OSBPL5: variants seen among roughly 807,000 people sequenced by gnomAD.
OSBPL5 encodes the protein oxysterol binding protein like 5, also known as oxysterol-binding protein-related protein 5.
Under a neutral mutation model 111.2 loss-of-function variants are expected in OSBPL5, and 71 were observed. The ratio of observed to expected loss-of-function variants is 0.64; its 90% confidence interval spans 0.53 to 0.78. The LOEUF is 0.78. OSBPL5 is among the 30% of genes least tolerant of loss of function. OSBPL5 has a pLI of 0.00. For synonymous variants in OSBPL5, 549 were observed against 513.9 expected, an observed-to-expected ratio of 1.07 and a Z score of -0.93; for missense variants, 1,210 against 1,189.3, an observed-to-expected ratio of 1.02 and a Z score of -0.26.
intron 1 of OSBPL5, among the ~76,000 whole-genome samples, chr11:3,159,180 T>C (rs1382538147): frequency 6.6e-6 from 1 of 151,852 alleles, no homozygotes; most frequent in African/African-American, 2.4e-5. Flanking sequence ...GAATGAAACA[T>C]GAGGGTCGGT....
intron 1 of OSBPL5, among the ~76,000 whole-genome samples, chr11:3,134,547 C>T (rs1237565126): frequency 6.6e-6 from 1 of 152,222 alleles, no homozygotes; most frequent in East Asian, 1.9e-4. Flanking sequence ...CTAGCCCATC[C>T]CAGGTGGGTG....
In OSBPL5 at chr11:3,110,377, G is replaced by A. The variant is rs964545443; in HGVS notation, c.692-2432C>T. On this transcript the variant is annotated intron_variant, in intron 7 of 21. Coordinates refer to ENST00000263650, the MANE Select transcript of OSBPL5 (RefSeq NM_020896.4). The surrounding 1 kb of genome is among the most constrained non-coding windows in gnomAD (Gnocchi z 5.3). ...GGCCAAGAGGGAATCCCTCCAGGTG[G>A]AGGATCATCGCAGTCACAGCTGCCT... Among the ~76,000 whole-genome samples the A allele has an allele frequency of 6.6e-6, 1 of 152,216 alleles. No individual in the cohort carries two copies.
In OSBPL5 at chr11:3,106,215, G is replaced by C. The variant is rs1857686867; in HGVS notation, c.1059+1048C>G. Among the ~76,000 whole-genome samples the C allele has an allele frequency of 6.6e-6, 1 of 151,808 alleles. No homozygotes were observed. The highest frequency in any genetic ancestry group is 2.1e-4 in the South Asian group (1 of 4,820). ...CACGGACCACGGAGGAGCCCCCTCT[G>C]TCCCTGTGCAGAGCAAGATGCGAAC... is the stretch of plus-strand genomic sequence containing the variant. On this transcript the variant is annotated intron_variant, in intron 9 of 21. Transcript: ENST00000263650. This position sits in a 1 kb window ranked among gnomAD's most constrained non-coding sequence, Gnocchi z 8.4.
At position 3,107,348 on chromosome 11, in the gene OSBPL5, C is replaced by T. The variant is rs777387631; in HGVS notation, c.974G>A (p.Ser325Asn). The T allele has an allele frequency of 3.1e-6, 5 of 1,614,074 alleles. No homozygotes were observed. Among genetic ancestry groups the T allele is most frequent in the Admixed American group, 3.3e-5 (2 of 60,032 alleles). The change falls in exon 9 of 22, where the codon AGT (serine) becomes AAT (asparagine). Residue 325 changes from serine to asparagine, a missense_variant. Physicochemically the swap from Ser to Asn is conservative, Grantham distance 46. Transcript: ENST00000263650. The surrounding 1 kb of genome is among the most constrained non-coding windows in gnomAD (Gnocchi z 6.1). ...AGGGGTCTCTGACTGGTCGCTGCCA[C>T]TCTCCGTCTTCCGGCTATGGTCCTG... is the stretch of plus-strand genomic sequence containing the variant. ...ETQDHSRKTE[S>N]GSDQSETPGA...
intron 2 of OSBPL5, 64 bp downstream of exon 2, chr11:3,128,949 C>T: frequency 7.2e-7 from 1 of 1,392,306 alleles, no homozygotes; most frequent in Non-Finnish European, 9.4e-7. Context: ...GGTTGGGCCG[C>T]CCGGGGTCAC....
intron 11 of OSBPL5, among the ~76,000 whole-genome samples, 163 bp downstream of exon 11, chr11:3,103,076 C>G (rs1857513325): frequency 6.6e-6 from 1 of 152,126 alleles, no homozygotes; most frequent in Non-Finnish European, 1.5e-5. Flanking sequence ...GGCCCTGTCC[C>G]CCATCACCAA....
chr11:3,088,716 C>G (rs1260333729), intron 21 of OSBPL5, among the ~76,000 whole-genome samples: 1 of 152,140 alleles, frequency 6.6e-6, no homozygotes, highest in Non-Finnish European at 1.5e-5. Flanking sequence ...GAGATGGGGT[C>G]CTTAAAGAGG....
rs1056805136 is a variant in OSBPL5, at chr11:3,122,513, T to C, written c.220-85A>G. On this transcript the variant is annotated intron_variant, in intron 3 of 21. Transcript: ENST00000263650. Reference sequence around the variant, plus strand: ...CCAGGTTGGCCTGATGCCAAGGATATGAGGGCAGAAGTCAGAGAAGGGCGC... The same window carrying C: ...CCAGGTTGGCCTGATGCCAAGGATACGAGGGCAGAAGTCAGAGAAGGGCGC... 5 of 1,280,588 alleles carry C rather than the reference T, an allele frequency of 3.9e-6. No homozygotes were observed. In the Admixed American group the frequency reaches 8.0e-5, roughly 20 times the overall value. 79.3% of individuals were successfully genotyped at this position (1,280,588 alleles called of 1,614,324 possible). A position where few individuals can be genotyped will look rare whatever the true frequency, so the allele number is the denominator to read the frequency against.
At position 3,092,466 on chromosome 11, in the gene OSBPL5, G is replaced by A. The variant is rs141858255; in HGVS notation, c.2225C>T (p.Thr742Ile). 6,372 of 1,577,678 alleles carry A rather than the reference G, an allele frequency of 4.0e-3. 22 individuals carry two copies. The highest frequency in any genetic ancestry group is 6.7e-3 in the Middle Eastern group (40 of 6,014). The part of the protein sequence containing the change: ...TLQQEAVARQ[T>I]TFLGSPGPRH... ...GGGCCCTGGGCTGCCCAGGAAGGTG[G>A]TCTGGCGGGCCACGGCCTCCTGCTG... The change falls in exon 19 of 22, where the codon ACC becomes ATC. Residue 742 changes from threonine (T) to isoleucine (I), a missense_variant. Physicochemically the swap from Thr to Ile is moderately conservative, Grantham distance 89. Coordinates refer to ENST00000263650, the MANE Select transcript of OSBPL5 (RefSeq NM_020896.4). This position sits in a 1 kb window ranked among gnomAD's most constrained non-coding sequence, Gnocchi z 5.4.
At chr11:3,103,655 CCTGCCTCTGTTGCCCCCTTCCAGTCTCTG>C (rs1173950778) in intron 10 of OSBPL5, among the ~76,000 whole-genome samples, 1 of 151,748 alleles carries the variant, frequency 6.6e-6, no homozygotes, top group Non-Finnish European at 1.5e-5. Context: ...CAGCCCCCTT[CCTGCCTCTGTTGCCCCCTTCCAGTCTCTG>C]CAGCCCCCTT....
Position 3,107,219 on chromosome 11 carries a change from G to A in OSBPL5, c.1059+44C>T, listed in dbSNP as rs1260608113. The A allele has an allele frequency of 6.3e-6, 10 of 1,585,460 alleles. No individual in the cohort carries two copies. Among genetic ancestry groups the A allele is most frequent in the African/African-American group, 4.1e-5 (3 of 73,222 alleles). On this transcript the variant is annotated intron_variant, in intron 9 of 21. Transcript: ENST00000263650. The surrounding 1 kb of genome is among the most constrained non-coding windows in gnomAD (Gnocchi z 6.1). ...ACCTCTGCTTCCGGAACAAGGGGCC[G>A]AGGCAGGGGAGACGCTTGGGGCTCC...
At chr11:3,148,693 C>T (rs1002836765) in intron 1 of OSBPL5, among the ~76,000 whole-genome samples, 4 of 152,216 alleles carry the variant, frequency 2.6e-5, no homozygotes, top group Admixed American at 6.5e-5. Flanking sequence ...GGGAAATCCA[C>T]TACCCAGATG....
chr11:3,097,175 G>T (rs552451674), intron 14 of OSBPL5, among the ~76,000 whole-genome samples: 1 of 136,658 alleles, frequency 7.3e-6, no homozygotes, highest in East Asian at 2.2e-4. Flanking sequence ...AGAGAAAGAG[G>T]GGCATTTGTC....
intron 1 of OSBPL5, among the ~76,000 whole-genome samples, chr11:3,150,642 A>T (rs898230613): frequency 6.6e-6 from 1 of 151,930 alleles, no homozygotes; most frequent in African/African-American, 2.4e-5. Flanking sequence ...GGGGAGCAGA[A>T]CTCTTCCCTT....
intron 3 of OSBPL5, 54 bp from the exon 4 acceptor site, chr11:3,122,482 A>C: frequency 6.4e-7 from 1 of 1,558,054 alleles, no homozygotes; most frequent in Non-Finnish European, 8.8e-7. Flanking sequence ...GCCCAGGGCT[A>C]GGAGCCCAGG....
rs567697203 is a variant in OSBPL5 at position 3,153,828 on chromosome 11, A to T, written c.-22+11388T>A. On this transcript the variant is annotated intron_variant, in intron 1 of 21. Transcript: ENST00000263650. The stretch of plus-strand genomic sequence containing the variant: ...GGCTGCGGGTGACGGGTGGGTGTCC[A>T]CTATGGCTGCTCAGGAGAAGCCTTT... 1.6e-4 allele frequency among the ~76,000 whole-genome samples: 25 copies of T among 152,378 alleles called. No homozygotes were observed. In the Middle Eastern group the frequency reaches 0.014, roughly 83 times the overall value.
chr11:3,123,151 G>A (rs1274850763), intron 3 of OSBPL5, among the ~76,000 whole-genome samples: 1 of 152,188 alleles, frequency 6.6e-6, no homozygotes, highest in Non-Finnish European at 1.5e-5. Flanking sequence ...GCCCAGGGCG[G>A]CAGTCCCAAT....
chr11:3,144,301 C>A (rs2134520513), intron 1 of OSBPL5, among the ~76,000 whole-genome samples: 1 of 152,264 alleles, frequency 6.6e-6, no homozygotes, highest in South Asian at 2.1e-4. Context: ...GCCATGGTGC[C>A]AAGGAGCAGT....
Position 3,094,460 on chromosome 11 carries a change from CTG to C in OSBPL5, c.1622-128_1622-127del, listed in dbSNP as rs1219502172. 4.4e-6 allele frequency: 3 copies of C among 681,960 alleles called. No homozygotes were observed. The Admixed American group carries it at 7.1e-5, about 16-fold the overall frequency. 42.2% of individuals were successfully genotyped at this position (681,960 alleles called of 1,614,324 possible). Reference sequence around the variant, plus strand: ...CCAGCAGCACCGATCCCTGGGAGGCCTGTGTCAGTCCCTGGGAGGGTGAGAAG... The same window carrying C: ...CCAGCAGCACCGATCCCTGGGAGGCCTGTCAGTCCCTGGGAGGGTGAGAAG... On this transcript the variant is annotated intron_variant, in intron 14 of 21. Transcript: ENST00000263650.
Sources: allele counts gnomAD v4.1 joint callset (sites outside exome capture counted in the v4.1 genomes callset), GRCh38; gene constraint gnomAD v4.1.1; non-coding constraint Gnocchi (gnomAD v3.1); transcripts MANE v1.5; gene names NCBI Gene and HGNC (gene_info 2026-07-23, HGNC 2026-07-21).